C10orf143: variants seen among roughly 807,000 people sequenced by gnomAD.
C10orf143 encodes the protein uncharacterized protein C10orf143.
intron 3 of C10orf143, among the ~76,000 whole-genome samples, chr10:130,071,634 ATT>A (rs5789010): frequency 6.6e-6 from 1 of 151,926 alleles, no homozygotes; most frequent in East Asian, 1.9e-4. Flanking sequence ...TATATTCTAT[ATT>A]TTTTTTTTGA....
At chr10:130,055,976 A>AG (rs1286227284) in intron 3 of C10orf143, among the ~76,000 whole-genome samples, 1 of 150,156 alleles carries the variant, frequency 6.7e-6, no homozygotes, top group African/African-American at 2.5e-5. Context: ...AAAAAAAAAA[A>AG]AAAGAAAGAA....
chr10:130,037,566 C>T (rs1386650154), intron 3 of C10orf143, among the ~76,000 whole-genome samples: 5 of 152,180 alleles, frequency 3.3e-5, no homozygotes, highest in Admixed American at 3.3e-4. Flanking sequence ...GTGTGCACAC[C>T]CCAGGGAGGG....
intron 3 of C10orf143, among the ~76,000 whole-genome samples, chr10:130,075,853 A>C (rs1205676233): frequency 6.6e-6 from 1 of 152,066 alleles, no homozygotes; most frequent in Non-Finnish European, 1.5e-5. Flanking sequence ...CCAGGATTGT[A>C]AGTTTCCTGA....
downstream of C10orf143, among the ~76,000 whole-genome samples, chr10:130,061,357 T>A (rs1329906654): frequency 1.3e-5 from 2 of 152,200 alleles, no homozygotes; most frequent in Non-Finnish European, 2.9e-5. Flanking sequence ...TAAAAACAAA[T>A]TTGGAAATAA....
At chr10:130,055,952 TAAAAAA>T (rs369284797) in intron 3 of C10orf143, among the ~76,000 whole-genome samples, 2 of 65,860 alleles carry the variant, frequency 3.0e-5, no homozygotes, top group African/African-American at 5.7e-5. Flanking sequence ...TCTCCAAAAG[TAAAAAA>T]AAAAAAAAAA....
At chr10:130,093,215 T>A (rs1861409743) in intron 1 of C10orf143, among the ~76,000 whole-genome samples, 4 of 152,168 alleles carry the variant, frequency 2.6e-5, no homozygotes, top group Admixed American at 2.0e-4. Context: ...CAAAACAGTC[T>A]CTCAGACCAC....
At chr10:130,047,838 T>C (rs550353920) in intron 3 of C10orf143, among the ~76,000 whole-genome samples, 46 of 104,978 alleles carry the variant, frequency 4.4e-4, no homozygotes, top group Middle Eastern at 9.6e-3. Flanking sequence ...AAAGACCCAC[T>C]GGAAACATTT....
intron 3 of C10orf143, among the ~76,000 whole-genome samples, chr10:130,048,278 G>A (rs1040670528): frequency 6.6e-6 from 1 of 152,228 alleles, no homozygotes; most frequent in Non-Finnish European, 1.5e-5. Flanking sequence ...TGACCTGGCT[G>A]TGGTCCCTCC....
At chr10:130,105,452 T>C (rs541536215) in intron 1 of C10orf143, among the ~76,000 whole-genome samples, 1 of 152,246 alleles carries the variant, frequency 6.6e-6, no homozygotes, top group South Asian at 2.1e-4. Context: ...TAATCCAGGA[T>C]GGGCACGGTG....
chr10:130,081,510 A>G (rs964631193), intron 1 of C10orf143, among the ~76,000 whole-genome samples: 1 of 152,188 alleles, frequency 6.6e-6, no homozygotes, highest in African/African-American at 2.4e-5. Flanking sequence ...TACCCTGATA[A>G]TAGAGTATAC....
chr10:130,110,425 C>T (rs1320852616), intron 1 of C10orf143, among the ~76,000 whole-genome samples: 1 of 152,238 alleles, frequency 6.6e-6, no homozygotes, highest in Admixed American at 6.5e-5. Context: ...TTTAGGGAGC[C>T]TGGGTCTGGA....
At chr10:130,094,392 C>T (rs1376722251) in intron 1 of C10orf143, among the ~76,000 whole-genome samples, 1 of 152,172 alleles carries the variant, frequency 6.6e-6, no homozygotes, top group East Asian at 1.9e-4. Flanking sequence ...CAGCATCATT[C>T]TGATACCAAA....
intron 3 of C10orf143, among the ~76,000 whole-genome samples, chr10:130,070,952 G>A (rs1001211390): frequency 1.8e-4 from 27 of 151,868 alleles, no homozygotes; most frequent in African/African-American, 4.4e-4. Context: ...GTCTTGCTCC[G>A]TCACCCAGGC....
chr10:130,066,440 C>T (rs1422766336), intron 3 of C10orf143: 1 of 151,098 alleles, frequency 6.6e-6, no homozygotes, highest in Non-Finnish European at 1.5e-5. Context: ...GCGATCCACT[C>T]GCCTTAGCCT....
intron 3 of C10orf143, among the ~76,000 whole-genome samples, chr10:130,040,993 G>A (rs940685092): frequency 2.0e-5 from 3 of 152,106 alleles, no homozygotes; most frequent in African/African-American, 4.8e-5. Context: ...TCTTAGTGAG[G>A]GCCCCCGCCA....
intron 1 of C10orf143, among the ~76,000 whole-genome samples, chr10:130,096,965 A>ATT: frequency 6.9e-6 from 1 of 145,216 alleles, no homozygotes; most frequent in African/African-American, 2.5e-5. Context: ...TAATTTTTTA[A>ATT]TTTTTTTTTT....
chr10:130,091,929 C>A (rs911251607), intron 1 of C10orf143, among the ~76,000 whole-genome samples: 2 of 152,206 alleles, frequency 1.3e-5, no homozygotes, highest in African/African-American at 4.8e-5. Flanking sequence ...AAAGACCAAA[C>A]CTACATTTGA....
At chr10:130,052,710 A>G (rs911549822) in intron 3 of C10orf143, among the ~76,000 whole-genome samples, 2 of 152,240 alleles carry the variant, frequency 1.3e-5, no homozygotes, top group Non-Finnish European at 2.9e-5. Context: ...TTAAAGGAAG[A>G]GCTTAGACCA....
intron 3 of C10orf143, among the ~76,000 whole-genome samples, chr10:130,057,529 T>C (rs1860809439): frequency 6.6e-6 from 1 of 152,186 alleles, no homozygotes; most frequent in African/African-American, 2.4e-5. Flanking sequence ...GCCAGAAGTT[T>C]CTAAAGGTCC....
Sources: allele counts gnomAD v4.1 joint callset (sites outside exome capture counted in the v4.1 genomes callset), GRCh38; gene constraint gnomAD v4.1.1; transcripts MANE v1.5; gene names NCBI Gene and HGNC (gene_info 2026-07-23, HGNC 2026-07-21).